Variants in RGS6 observed in about 807,000 individuals in gnomAD.
The protein encoded by RGS6 is regulator of G protein signaling 6.
RGS6 carries 30 observed loss-of-function variants against 78.5 expected under a neutral mutation model. The observed-to-expected ratio is 0.38, with a 90% confidence interval of 0.29 to 0.52. The LOEUF (loss-of-function observed/expected upper bound fraction) is 0.52, where lower values mean the gene tolerates loss of function less well. RGS6 is among the 20% of genes least tolerant of loss of function. The pLI, the probability that RGS6 is intolerant of heterozygous loss-of-function variation, is 0.85. For missense variants in RGS6, 495 were observed against 609.7 expected (o/e 0.81, Z 1.98); for synonymous variants, 206 against 206.0 (o/e 1.00, Z 0.00).
chr14:72,182,416 CAAAAA>C (rs34656799), intron 2 of RGS6, among the ~76,000 whole-genome samples: 2 of 106,376 alleles, frequency 1.9e-5, no homozygotes, highest in Admixed American at 1.0e-4. Flanking sequence ...GACTCCATCT[CAAAAA>C]AAAAAAAAAA....
chr14:72,112,704 G>A (rs992788857), intron 2 of RGS6, among the ~76,000 whole-genome samples: 1 of 152,154 alleles, frequency 6.6e-6, no homozygotes, highest in Non-Finnish European at 1.5e-5. Flanking sequence ...AGAAAATTGA[G>A]TGTCATAGAG....
intron 2 of RGS6, among the ~76,000 whole-genome samples, chr14:72,312,782 G>C (rs559053496): frequency 7.2e-5 from 11 of 152,262 alleles, no homozygotes; most frequent in Non-Finnish European, 1.5e-4. Flanking sequence ...GTAGCATTTG[G>C]GGATGGTAGC....
chr14:72,010,134 C>T (rs1481755213), intron 2 of RGS6, among the ~76,000 whole-genome samples: 1 of 152,136 alleles, frequency 6.6e-6, no homozygotes, highest in African/African-American at 2.4e-5. Context: ...TTTTCTCTCC[C>T]TTCTATGTCA....
intron 2 of RGS6, among the ~76,000 whole-genome samples, chr14:72,297,679 GT>G (rs71109730): frequency 0.058 from 8,527 of 148,032 alleles, 404 homozygotes; most frequent in East Asian, 0.29. Flanking sequence ...ACGGTGTTTG[GT>G]TTTTTGTTCT....
At chr14:72,129,216 G>A (rs897579999) in intron 2 of RGS6, among the ~76,000 whole-genome samples, 4 of 152,080 alleles carry the variant, frequency 2.6e-5, no homozygotes, top group Non-Finnish European at 5.9e-5. Flanking sequence ...CAATACTGCT[G>A]GAAGATAAAA....
chr14:72,459,020 A>G (rs2095707025), intron 5 of RGS6, among the ~76,000 whole-genome samples: 2 of 152,212 alleles, frequency 1.3e-5, no homozygotes. Context: ...CAGAGGAGAA[A>G]ACTGAATTGC....
intron 2 of RGS6, among the ~76,000 whole-genome samples, chr14:72,328,098 T>C (rs755515868): frequency 1.3e-5 from 2 of 152,124 alleles, no homozygotes; most frequent in African/African-American, 2.4e-5. Context: ...AAAAGCTGGA[T>C]GTCCCAGGTC....
intron 2 of RGS6, among the ~76,000 whole-genome samples, chr14:72,080,286 T>A (rs768726196): frequency 1.4e-4 from 21 of 152,134 alleles, no homozygotes; most frequent in Non-Finnish European, 2.9e-4. Flanking sequence ...ATTAGTGTTG[T>A]TATTTTTTTT....
intron 3 of RGS6, among the ~76,000 whole-genome samples, chr14:72,389,740 A>G (rs561637199): frequency 6.6e-6 from 1 of 152,216 alleles, no homozygotes; most frequent in South Asian, 2.1e-4. Flanking sequence ...CACACACACA[A>G]AAATTGTTTT....
the RGS6 span, among the ~76,000 whole-genome samples, chr14:72,578,526 A>AAACATCTCAGTGGCTCCCT: frequency 6.6e-6 from 1 of 152,242 alleles, no homozygotes; most frequent in Non-Finnish European, 1.5e-5. Context: ...TCCTGCTTAA[A>AAACATCTCAGTGGCTCCCT]AACATCTCAG....
intron 1 of RGS6, among the ~76,000 whole-genome samples, chr14:71,945,318 C>T (rs1410459940): frequency 6.6e-6 from 1 of 152,108 alleles, no homozygotes; most frequent in Non-Finnish European, 1.5e-5. Context: ...TCTTTTATTT[C>T]CTGTTGTAGA....
the RGS6 span, among the ~76,000 whole-genome samples, chr14:71,873,211 C>T: frequency 3.9e-5 from 6 of 152,142 alleles, no homozygotes; most frequent in African/African-American, 9.7e-5. Context: ...CTTGAGGAAT[C>T]GCCACACTGT....
chr14:72,527,951 T>G (rs2097138384), intron 15 of RGS6, among the ~76,000 whole-genome samples: 1 of 152,184 alleles, frequency 6.6e-6, no homozygotes, highest in South Asian at 2.1e-4. Flanking sequence ...AGAAGAGCTC[T>G]TGGCCGCTGT....
In RGS6 at chr14:72,565,115, A is replaced by G. The variant is rs1452547633; in HGVS notation, c.*2648A>G. 2 of 152,258 alleles carry G rather than the reference A, an allele frequency of 1.3e-5. No individual in the cohort carries two copies. The highest frequency in any genetic ancestry group is 1.5e-5 in the Non-Finnish European group (1 of 68,076). The allele number at this position is 152,258 out of a possible 1,614,324, so 9.4% of individuals were successfully genotyped here. On this transcript the variant is annotated 3_prime_UTR_variant, in exon 18 of 18. Transcript: ENST00000553525. ...AGACTAGATTAGATGTTTGCAGGCA[A>G]TTCTGTAGCAAAGCAAATTCCCCTA...
At chr14:72,304,964 A>G (rs2066909740) in intron 2 of RGS6, among the ~76,000 whole-genome samples, 1 of 152,226 alleles carries the variant, frequency 6.6e-6, no homozygotes. Context: ...AGGCAGCTGG[A>G]CAGTCTATTT....
chr14:71,877,657 G>A, the RGS6 span, among the ~76,000 whole-genome samples: 2 of 152,150 alleles, frequency 1.3e-5, no homozygotes, highest in African/African-American at 2.4e-5. Context: ...TGTTATTACC[G>A]ATTGTCTCAA....
intron 2 of RGS6, among the ~76,000 whole-genome samples, chr14:72,272,968 T>A (rs2060159911): frequency 6.6e-6 from 1 of 152,024 alleles, no homozygotes; most frequent in South Asian, 2.1e-4. Flanking sequence ...TACAAAAAAT[T>A]AGCAGGGCGT....
At chr14:71,983,803 G>A (rs2094564753) in intron 2 of RGS6, among the ~76,000 whole-genome samples, 1 of 152,160 alleles carries the variant, frequency 6.6e-6, no homozygotes, top group Non-Finnish European at 1.5e-5. Context: ...ACTTACATAC[G>A]CAAGTCCCAG....
intron 2 of RGS6, among the ~76,000 whole-genome samples, chr14:72,035,892 G>A (rs58483295): frequency 4.6e-5 from 7 of 152,092 alleles, no homozygotes; most frequent in African/African-American, 7.2e-5. Flanking sequence ...TAAAATTGAC[G>A]TTGTATGTGA....
Sources: allele counts gnomAD v4.1 joint callset (sites outside exome capture counted in the v4.1 genomes callset), GRCh38; gene constraint gnomAD v4.1.1; transcripts MANE v1.5; gene names NCBI Gene and HGNC (gene_info 2026-07-23, HGNC 2026-07-21).